Variants in PLBD1 observed in about 807,000 individuals in gnomAD.
The protein encoded by PLBD1 is phospholipase B domain containing 1, also known as lysosomal leucine aminopeptidase.
A neutral mutation model predicts 63.0 loss-of-function variants in PLBD1; 60 were observed. That is an observed-to-expected ratio of 0.95 (90% CI 0.77 to 1.18). PLBD1 has a LOEUF of 1.18. Among genes scored for constraint, PLBD1 ranks in the 50% most tolerant of loss-of-function variants. The probability of loss-of-function intolerance (pLI) is 0.00; values close to 1 mark genes in which losing one functional copy is unlikely to be tolerated. For missense variants in PLBD1, 598 were observed against 677.9 expected, an observed-to-expected ratio of 0.88 and a Z score of 1.31; for synonymous variants, 262 against 248.0, an observed-to-expected ratio of 1.06 and a Z score of -0.53.
At chr12:14,553,479 T>C (rs1945677028) in intron 1 of PLBD1, 67 bp from the exon 2 acceptor site, 4 of 1,204,468 alleles carry the variant, frequency 3.3e-6, no homozygotes, top group Non-Finnish European at 4.8e-6. Context: ...TTTTCCTATG[T>C]ATCCAACAAT....
intron 6 of PLBD1, among the ~76,000 whole-genome samples, chr12:14,529,541 A>G (rs1250391959): frequency 1.3e-5 from 2 of 152,208 alleles, no homozygotes; most frequent in Non-Finnish European, 1.5e-5. Context: ...CTTTTCAACA[A>G]TTGCTGAGAA....
intron 8 of PLBD1, among the ~76,000 whole-genome samples, chr12:14,507,649 GTTTC>G (rs1267358518): frequency 1.3e-5 from 2 of 152,072 alleles, no homozygotes; most frequent in Admixed American, 6.6e-5. Context: ...TTTTGTTTCT[GTTTC>G]TTTTTTTTTG....
intron 1 of PLBD1, 22 bp from the exon 2 acceptor site, chr12:14,553,434 A>G (rs781122769): frequency 6.3e-7 from 1 of 1,576,140 alleles, no homozygotes; most frequent in South Asian, 1.1e-5. Context: ...GGGAATAATG[A>G]CAAAAACGCC....
At chr12:14,560,566 T>G (rs1306826822) in intron 1 of PLBD1, among the ~76,000 whole-genome samples, 1 of 152,206 alleles carries the variant, frequency 6.6e-6, no homozygotes, top group Non-Finnish European at 1.5e-5. Flanking sequence ...ACCTTGGCAT[T>G]GCACTTGCCT....
chr12:14,506,187 C>T lies in PLBD1; in HGVS notation c.1454G>A (p.Ser485Asn). The change falls in exon 10 of 11, where the codon AGT becomes AAT. Residue 485 changes from serine (S) to asparagine (N), a missense_variant. Ser to Asn is a conservative substitution (Grantham distance 46). Transcript: ENST00000240617. ...CTTTGTGTCATAACAACCTCCAGGACTTGGGTTAGGTGAGTTCAGGTCCTC... is the reference window on the plus strand; with the variant it reads ...CTTTGTGTCATAACAACCTCCAGGATTTGGGTTAGGTGAGTTCAGGTCCTC... ...CREDLNSPNPSPGGCYDTKVA... is the reference protein window; with the variant it reads ...CREDLNSPNPNPGGCYDTKVA... 2 of 1,611,034 alleles carry T rather than the reference C, an allele frequency of 1.2e-6. No homozygotes were observed.
intron 4 of PLBD1, among the ~76,000 whole-genome samples, chr12:14,538,759 C>T (rs972804264): frequency 1.3e-5 from 2 of 152,160 alleles, no homozygotes; most frequent in Non-Finnish European, 2.9e-5. Flanking sequence ...GGCACAGTGG[C>T]TTATGCCTGT....
intron 6 of PLBD1, among the ~76,000 whole-genome samples, chr12:14,514,185 C>T (rs1378883226): frequency 6.6e-6 from 1 of 152,160 alleles, no homozygotes; most frequent in Non-Finnish European, 1.5e-5. Flanking sequence ...TTTAACAGTA[C>T]TCTTGAATGA....
intron 10 of PLBD1, among the ~76,000 whole-genome samples, chr12:14,505,039 C>T (rs1945241925): frequency 6.6e-6 from 1 of 151,108 alleles, no homozygotes; most frequent in South Asian, 2.1e-4. Context: ...TTTGCAAATG[C>T]CATTTTAAAA....
At chr12:14,560,910 C>T (rs1347986893) in intron 1 of PLBD1, among the ~76,000 whole-genome samples, 1 of 151,946 alleles carries the variant, frequency 6.6e-6, no homozygotes, top group African/African-American at 2.4e-5. Flanking sequence ...ATCTTCATCC[C>T]AGGGATGGAG....
At chr12:14,528,868 A>G (rs1476018613) in intron 6 of PLBD1, among the ~76,000 whole-genome samples, 3 of 152,212 alleles carry the variant, frequency 2.0e-5, no homozygotes, top group Non-Finnish European at 4.4e-5. Context: ...TAACTTAGAA[A>G]GAAGGGATAA....
At chr12:14,536,876 G>C (rs1167072466) in intron 4 of PLBD1, among the ~76,000 whole-genome samples, 166 bp from the exon 5 acceptor site, 1 of 152,108 alleles carries the variant, frequency 6.6e-6, no homozygotes, top group Admixed American at 6.6e-5. Flanking sequence ...ATCTCCCGAG[G>C]TGAGGGGTTT....
In PLBD1 at chr12:14,508,964, G is replaced by A. The variant is rs545969407; in HGVS notation, c.1187-1846C>T. Among the ~76,000 whole-genome samples the A allele has an allele frequency of 1.8e-4, 27 of 152,214 alleles. No homozygotes were observed. The South Asian group carries it at 5.6e-3, about 32-fold the overall frequency. ...GGGCTTCTATCACCATACCACAGTT[G>A]CTTAAATACGTTAGGAGATGTGCCC... is the stretch of plus-strand genomic sequence containing the variant. On this transcript the variant is annotated intron_variant, in intron 8 of 10. Coordinates refer to ENST00000240617, the MANE Select transcript of PLBD1 (RefSeq NM_024829.6).
At chr12:14,506,309 T>C in intron 9 of PLBD1, 41 bp from the exon 10 acceptor site, 3 of 1,403,664 alleles carry the variant, frequency 2.1e-6, no homozygotes, top group Non-Finnish European at 3.0e-6. Context: ...TATTGGCTAT[T>C]TGGAGACACA....
At chr12:14,517,518 A>C (rs1384053358) in intron 6 of PLBD1, among the ~76,000 whole-genome samples, 1 of 152,194 alleles carries the variant, frequency 6.6e-6, no homozygotes, top group Non-Finnish European at 1.5e-5. Context: ...AGAAATGGAT[A>C]TTTATAGTTA....
intron 2 of PLBD1, among the ~76,000 whole-genome samples, chr12:14,550,198 C>T (rs935849788): frequency 6.6e-6 from 1 of 152,198 alleles, no homozygotes; most frequent in African/African-American, 2.4e-5. Flanking sequence ...TTATGGCTAA[C>T]AAGCTCTTTT....
chr12:14,529,026 TA>T (rs901137913), intron 6 of PLBD1, among the ~76,000 whole-genome samples: 3 of 152,162 alleles, frequency 2.0e-5, no homozygotes, highest in African/African-American at 7.2e-5. Flanking sequence ...TGAATTCTAT[TA>T]AACACTTAAA....
intron 1 of PLBD1, 75 bp downstream of exon 1, chr12:14,567,507 G>T: frequency 7.2e-7 from 1 of 1,397,470 alleles, no homozygotes; most frequent in Non-Finnish European, 9.2e-7. Flanking sequence ...AACTCGGCCG[G>T]ACGCGGGGCA....
chr12:14,520,847 A>G (rs1021272791), intron 6 of PLBD1, among the ~76,000 whole-genome samples: 3 of 152,190 alleles, frequency 2.0e-5, no homozygotes, highest in African/African-American at 7.2e-5. Flanking sequence ...AGAATTCTGC[A>G]GTTTTCACAA....
intron 4 of PLBD1, 111 bp from the exon 5 acceptor site, chr12:14,536,821 G>A (rs1045502359): frequency 5.1e-6 from 7 of 1,375,812 alleles, no homozygotes; most frequent in Non-Finnish European, 7.0e-6. Flanking sequence ...GTGCATGGTG[G>A]CTCACGCCTG....
Sources: allele counts gnomAD v4.1 joint callset (sites outside exome capture counted in the v4.1 genomes callset), GRCh38; gene constraint gnomAD v4.1.1; transcripts MANE v1.5; gene names NCBI Gene and HGNC (gene_info 2026-07-23, HGNC 2026-07-21).